The following CTDSPL2 variants were observed in gnomAD, a reference collection of about 807,000 sequenced individuals.
The protein encoded by CTDSPL2 is CTD small phosphatase-like protein 2.
A neutral mutation model predicts 60.0 loss-of-function variants in CTDSPL2; 5 were observed. The observed-to-expected ratio is 0.08, with a 90% confidence interval of 0.04 to 0.18. CTDSPL2 has a LOEUF of 0.18. Ranked by LOEUF, CTDSPL2 falls within the 10% of genes least tolerant of loss-of-function variation. The probability of loss-of-function intolerance (pLI) is 1.00; values close to 1 mark genes in which losing one functional copy is unlikely to be tolerated. For missense variants in CTDSPL2, 370 were observed against 548.8 expected (o/e 0.67, Z 3.26); for synonymous variants, 186 against 189.3 (o/e 0.98, Z 0.14).
intron 3 of CTDSPL2, among the ~76,000 whole-genome samples, chr15:44,486,221 G>A (rs761003187): frequency 2.0e-5 from 3 of 152,158 alleles, no homozygotes; most frequent in Non-Finnish European, 2.9e-5. Flanking sequence ...GTTTTAGTTG[G>A]TGGGAACTAG....
In CTDSPL2 at chr15:44,514,555, A is replaced by T. The variant is rs191084219; in HGVS notation, c.970-43A>T. On this transcript the variant is annotated intron_variant, in intron 8 of 12. Coordinates refer to ENST00000260327, the MANE Select transcript of CTDSPL2 (RefSeq NM_016396.3). ...ACATCTTAAAAAGAAGTGGTTTCCCATTGTATGTTTATTTGCTGAAACTTA... is the reference window on the plus strand; with the variant it reads ...ACATCTTAAAAAGAAGTGGTTTCCCTTTGTATGTTTATTTGCTGAAACTTA... The T allele has an allele frequency of 2.9e-5, 34 of 1,155,464 alleles. No homozygotes were observed. The African/African-American group carries it at 5.0e-4, about 17-fold the overall frequency. 71.6% of individuals were successfully genotyped at this position (1,155,464 alleles called of 1,614,324 possible).
rs977795960 is a variant in CTDSPL2, at chr15:44,499,370, A to C, written c.883-357A>C. ...CGGTGAGCTGAGATCGCACCACTGC[A>C]CTCCAGCCTGAGAGCGAGACTCTGT... On this transcript the variant is annotated intron_variant, in intron 7 of 12. Transcript: ENST00000260327. Among the ~76,000 whole-genome samples, 16 of 152,150 alleles carry C rather than the reference A, an allele frequency of 1.1e-4. No individual in the cohort carries two copies. In the South Asian group the frequency reaches 2.1e-3, roughly 20 times the overall value.
intron 1 of CTDSPL2, among the ~76,000 whole-genome samples, chr15:44,458,359 A>G (rs913970126): frequency 6.6e-6 from 1 of 152,366 alleles, no homozygotes; most frequent in Non-Finnish European, 1.5e-5. Context: ...ATAAAATGAG[A>G]GAGCTCAAAT....
In CTDSPL2 at chr15:44,528,408, T is replaced by C. The variant is rs571518554; in HGVS notation, c.*4234T>C. ...TTCTTTAAAGCTCTCCTGGTGATTC[T>C]AATAGCCAGTATTGGGTAATCAATG... On this transcript the variant is annotated 3_prime_UTR_variant, in exon 13 of 13. Coordinates refer to ENST00000260327, the MANE Select transcript of CTDSPL2 (RefSeq NM_016396.3). 1 of 152,058 alleles carries C rather than the reference T, an allele frequency of 6.6e-6. No individual in the cohort carries two copies. Among genetic ancestry groups the C allele is most frequent in the African/African-American group, 2.4e-5 (1 of 41,498 alleles). The allele number at this position is 152,058 out of a possible 1,614,324, so 9.4% of individuals were successfully genotyped here. A position where few individuals can be genotyped will look rare whatever the true frequency, so the allele number is the denominator to read the frequency against.
Position 44,526,079 on chromosome 15 carries a change from A to T in CTDSPL2, c.*1905A>T, listed in dbSNP as rs1276967235. The T allele has an allele frequency of 2.0e-5, 3 of 152,308 alleles. No individual in the cohort carries two copies. The highest frequency in any genetic ancestry group is 1.9e-4 in the East Asian group (1 of 5,190). 9.4% of individuals were successfully genotyped at this position (152,308 alleles called of 1,614,324 possible). ...GAAAAAAATACTACAGATTCATTTT[A>T]ATGAGAATCTTTGAAATGTATTTAT... On this transcript the variant is annotated 3_prime_UTR_variant, in exon 13 of 13. Coordinates refer to ENST00000260327, the MANE Select transcript of CTDSPL2 (RefSeq NM_016396.3).
intron 5 of CTDSPL2, among the ~76,000 whole-genome samples, chr15:44,491,494 C>T (rs996841683): frequency 1.4e-4 from 21 of 152,088 alleles, no homozygotes; most frequent in Non-Finnish European, 3.1e-4. Flanking sequence ...TATTGGGTTT[C>T]GGAGCCATTT....
chr15:44,442,905 C>T (rs556198429), intron 1 of CTDSPL2, among the ~76,000 whole-genome samples: 5 of 151,644 alleles, frequency 3.3e-5, no homozygotes, highest in Admixed American at 6.6e-5. Context: ...GAGCCTGGGA[C>T]GTTGAGGCTG....
At chr15:44,476,100 G>A (rs910371788) in intron 2 of CTDSPL2, among the ~76,000 whole-genome samples, 2 of 151,834 alleles carry the variant, frequency 1.3e-5, no homozygotes, top group East Asian at 1.9e-4. Flanking sequence ...TGGAGTCTTC[G>A]CTCTGTCGCC....
At chr15:44,494,447 C>CA (rs1216218444) in intron 5 of CTDSPL2, among the ~76,000 whole-genome samples, 3 of 151,496 alleles carry the variant, frequency 2.0e-5, no homozygotes, top group Non-Finnish European at 2.9e-5. Context: ...TTTGTCTCCA[C>CA]AAAAAAATTT....
Position 44,427,656 on chromosome 15 carries a change from G to A in CTDSPL2, c.-141G>A. Reference sequence around the variant, plus strand: ...AGCAGGTCGGTAGGCGGGAAATGGCGACTGGCTGAAGGAGCTGGTTCTGTT... The same window carrying A: ...AGCAGGTCGGTAGGCGGGAAATGGCAACTGGCTGAAGGAGCTGGTTCTGTT... On this transcript the variant is annotated 5_prime_UTR_variant, in exon 1 of 13. Coordinates refer to ENST00000260327, the MANE Select transcript of CTDSPL2 (RefSeq NM_016396.3). 1 of 399,288 alleles carries A rather than the reference G, an allele frequency of 2.5e-6. No homozygotes were observed. The highest frequency in any genetic ancestry group is 4.4e-6 in the Non-Finnish European group (1 of 226,272). The allele number at this position is 399,288 out of a possible 1,614,324, so 24.7% of individuals were successfully genotyped here.
At chr15:44,514,283 T>A (rs2081613746) in intron 8 of CTDSPL2, among the ~76,000 whole-genome samples, 1 of 152,244 alleles carries the variant, frequency 6.6e-6, no homozygotes, top group Admixed American at 6.5e-5. Context: ...TACTGGTGGA[T>A]CAAAATCTCA....
chr15:44,441,946 G>A (rs2080096702), intron 1 of CTDSPL2, among the ~76,000 whole-genome samples: 1 of 152,094 alleles, frequency 6.6e-6, no homozygotes. Flanking sequence ...TTAGACCAAA[G>A]GAAAGGGTTT....
chr15:44,456,263 G>T (rs1357087737), intron 1 of CTDSPL2, among the ~76,000 whole-genome samples: 1 of 152,182 alleles, frequency 6.6e-6, no homozygotes, highest in African/African-American at 2.4e-5. Flanking sequence ...CATAAAATGA[G>T]TTCGGGAGGA....
At chr15:44,484,035 A>G (rs1381456904) in intron 2 of CTDSPL2, among the ~76,000 whole-genome samples, 189 bp from the exon 3 acceptor site, 2 of 152,262 alleles carry the variant, frequency 1.3e-5, no homozygotes, top group Middle Eastern at 3.4e-3. Context: ...GTATATTGTA[A>G]TTGCATTCAT....
intron 1 of CTDSPL2, among the ~76,000 whole-genome samples, chr15:44,435,272 A>AG (rs923017519): frequency 6.6e-6 from 1 of 151,598 alleles, no homozygotes; most frequent in African/African-American, 2.4e-5. Flanking sequence ...AAAAAAAAAA[A>AG]AAAAAGAATC....
At chr15:44,477,742 G>A (rs1372642119) in intron 2 of CTDSPL2, among the ~76,000 whole-genome samples, 3 of 151,926 alleles carry the variant, frequency 2.0e-5, no homozygotes, top group Non-Finnish European at 4.4e-5. Context: ...GGAGGCTGAG[G>A]CAGGAGAATC....
chr15:44,466,187 T>G (rs1371766999), intron 2 of CTDSPL2, among the ~76,000 whole-genome samples: 1 of 152,162 alleles, frequency 6.6e-6, no homozygotes, highest in African/African-American at 2.4e-5. Context: ...TCCACCCGCC[T>G]CAGCCTCCCA....
intron 1 of CTDSPL2, among the ~76,000 whole-genome samples, chr15:44,429,583 G>A (rs998625203): frequency 8.5e-5 from 13 of 152,132 alleles, no homozygotes; most frequent in African/African-American, 2.7e-4. Context: ...GAACGTATAA[G>A]CTGGCTGGGT....
At chr15:44,433,240 A>G (rs1203068859) in intron 1 of CTDSPL2, among the ~76,000 whole-genome samples, 3 of 149,606 alleles carry the variant, frequency 2.0e-5, no homozygotes, top group Non-Finnish European at 4.4e-5. Flanking sequence ...GCTTGAGCCC[A>G]GGAGGTTGAG....
Sources: gnomAD v4.1 joint callset for allele counts (sites outside exome capture counted in the v4.1 genomes callset) on GRCh38, gnomAD v4.1.1 for gene constraint, MANE v1.5 for transcripts, NCBI Gene and HGNC (gene_info 2026-07-23, HGNC 2026-07-21) for gene names.